ATP2A3: variants seen among roughly 807,000 people sequenced by gnomAD.
ATP2A3 encodes the protein ATPase sarcoplasmic/endoplasmic reticulum Ca2+ transporting 3, also known as sarcoplasmic/endoplasmic reticulum calcium ATPase 3.
A neutral mutation model predicts 106.8 loss-of-function variants in ATP2A3; 61 were observed. That is an observed-to-expected ratio of 0.57 (90% CI 0.46 to 0.71). ATP2A3 has a LOEUF of 0.71. Among genes scored for constraint, ATP2A3 ranks in the 30% least tolerant of loss-of-function variants. ATP2A3 has a pLI of 0.00. For synonymous variants in ATP2A3, 611 were observed against 609.3 expected, an observed-to-expected ratio of 1.00 and a Z score of -0.04; for missense variants, 1,201 against 1,423.5, an observed-to-expected ratio of 0.84 and a Z score of 2.52.
rs979200743 is a variant in ATP2A3 at position 3,933,509 on chromosome 17, G to A, written c.2610+1683C>T. Among the ~76,000 whole-genome samples, 16 of 151,220 alleles carry A rather than the reference G, an allele frequency of 1.1e-4. 2 individuals carry two copies. Among genetic ancestry groups the A allele is most frequent in the African/African-American group, 3.7e-4 (15 of 40,770 alleles). The stretch of plus-strand genomic sequence containing the variant: ...TCCCAGCACTTTGGGAGGCTGAGGC[G>A]GGCGGATCATGAGGTCAGGAGATCG... On this transcript the variant is annotated intron_variant, in intron 17 of 20. Transcript: ENST00000397041.
rs1264976428 is a variant in ATP2A3, at chr17:3,925,694, T to C, written c.2981-253A>G. 6.7e-6 allele frequency among the ~76,000 whole-genome samples: 1 copy of C among 148,450 alleles called. No individual in the cohort carries two copies. Among genetic ancestry groups the C allele is most frequent in the Non-Finnish European group, 1.5e-5 (1 of 67,308 alleles). On this transcript the variant is annotated intron_variant, in intron 20 of 20. Transcript: ENST00000397041. This position sits in a 1 kb window ranked among gnomAD's most constrained non-coding sequence, Gnocchi z 4.2. Reference sequence around the variant, plus strand: ...CAGCACCCCCAAACCCTCCAGTACATACTCTCCTGGTTTTCATTTTGGGGA... The same window carrying C: ...CAGCACCCCCAAACCCTCCAGTACACACTCTCCTGGTTTTCATTTTGGGGA...
chr17:3,935,823 C>A (rs998195932), intron 16 of ATP2A3, among the ~76,000 whole-genome samples: 1 of 152,144 alleles, frequency 6.6e-6, no homozygotes, highest in Admixed American at 6.5e-5. Flanking sequence ...CAGGTGTGAG[C>A]CACATGTTGG....
chr17:3,932,036 G>A (rs1420448559), intron 17 of ATP2A3, among the ~76,000 whole-genome samples: 1 of 152,216 alleles, frequency 6.6e-6, no homozygotes, highest in East Asian at 1.9e-4. Flanking sequence ...TTAACAAAGA[G>A]ATAGAGAATC....
At chr17:3,958,765 CAT>C (rs1203707105) in intron 1 of ATP2A3, among the ~76,000 whole-genome samples, 13 of 108,218 alleles carry the variant, frequency 1.2e-4, no homozygotes, top group African/African-American at 4.0e-4. Context: ...TATACACACA[CAT>C]ATATATACAC....
At position 3,926,194 on chromosome 17, in the gene ATP2A3, A is replaced by C. The variant is rs2052698712; in HGVS notation, c.2981-753T>G. 6.6e-6 allele frequency among the ~76,000 whole-genome samples: 1 copy of C among 152,220 alleles called. No individual in the cohort carries two copies. ...TCGTAAATGACATAAATCACGGGGA[A>C]GCCACAAGCATCAGGCTTCAGAAAA... On this transcript the variant is annotated intron_variant, in intron 20 of 20. Coordinates refer to ENST00000397041, the MANE Select transcript of ATP2A3 (RefSeq NM_005173.4). This position sits in a 1 kb window ranked among gnomAD's most constrained non-coding sequence, Gnocchi z 4.6.
chr17:3,935,033 G>T (rs1423228183), intron 17 of ATP2A3, 159 bp downstream of exon 17: 1 of 777,520 alleles, frequency 1.3e-6, no homozygotes. Flanking sequence ...GGTTTCCCGT[G>T]GGCTCTGAGC....
At position 3,930,712 on chromosome 17, in the gene ATP2A3, G is replaced by A. The variant is rs2053027746; in HGVS notation, c.2611-278C>T. ...CTCAGAAGGAGAACAGCTGGCATTA[G>A]CCTGGGGAGGCTAGCGGGAGCCTGG... is the stretch of plus-strand genomic sequence containing the variant. On this transcript the variant is annotated intron_variant, in intron 17 of 20. Coordinates refer to ENST00000397041, the MANE Select transcript of ATP2A3 (RefSeq NM_005173.4). The surrounding 1 kb of genome is among the most constrained non-coding windows in gnomAD (Gnocchi z 5.4). 1.8e-6 allele frequency: 1 copy of A among 542,056 alleles called. No individual in the cohort carries two copies. 33.6% of individuals were successfully genotyped at this position (542,056 alleles called of 1,614,324 possible). A position where few individuals can be genotyped will look rare whatever the true frequency, so the allele number is the denominator to read the frequency against.
chr17:3,951,131 C>A, intron 5 of ATP2A3, 120 bp downstream of exon 5: 1 of 1,026,536 alleles, frequency 9.7e-7, no homozygotes, highest in Non-Finnish European at 1.3e-6. Flanking sequence ...CGAGATTGCG[C>A]CACTGCACTC....
chr17:3,957,299 G>C lies in ATP2A3; in HGVS notation c.119-3589C>G, dbSNP rs2054838912. Among the ~76,000 whole-genome samples the C allele has an allele frequency of 2.0e-5, 3 of 152,336 alleles. No homozygotes were observed. The South Asian group carries it at 6.2e-4, about 32-fold the overall frequency. Reference sequence around the variant, plus strand: ...TCACACAGCGGGGGAGACAGGGAAGGGTTTTGAGCTCAGGCAGTCTGGTTC... The same window carrying C: ...TCACACAGCGGGGGAGACAGGGAAGCGTTTTGAGCTCAGGCAGTCTGGTTC... On this transcript the variant is annotated intron_variant, in intron 1 of 20. Coordinates refer to ENST00000397041, the MANE Select transcript of ATP2A3 (RefSeq NM_005173.4).
intron 1 of ATP2A3, among the ~76,000 whole-genome samples, chr17:3,957,003 A>T (rs1411329031): frequency 6.6e-6 from 1 of 152,172 alleles, no homozygotes; most frequent in Non-Finnish European, 1.5e-5. Flanking sequence ...CATTACTGTT[A>T]AGAGTCACAT....
intron 1 of ATP2A3, among the ~76,000 whole-genome samples, chr17:3,954,427 G>GC (rs1162392831): frequency 2.4e-5 from 3 of 126,870 alleles, no homozygotes; most frequent in Admixed American, 8.6e-5. Context: ...ATACCCAGTC[G>GC]CCCCCCACAC....
In ATP2A3 at chr17:3,936,375, C is replaced by G; in HGVS notation, c.2416G>C (p.Ala806Pro). The G allele has an allele frequency of 6.2e-7, 1 of 1,614,114 alleles. No homozygotes were observed. The highest frequency in any genetic ancestry group is 8.5e-7 in the Non-Finnish European group (1 of 1,180,028). Residue 806 changes from alanine to proline, a missense_variant, in exon 16 of 21, where the codon GCT becomes CCT. Coordinates refer to ENST00000397041, the MANE Select transcript of ATP2A3 (RefSeq NM_005173.4). This position sits in a 1 kb window ranked among gnomAD's most constrained non-coding sequence, Gnocchi z 5.4. ...AGGTCTGGCGGGTTGAAGCCCAGAG[C>G]CGTGGCAGGTAGGCCGTCTGTCACC... ...NLVTDGLPAT[A>P]LGFNPPDLDI...
chr17:3,925,172 G>T lies in ATP2A3; in HGVS notation c.*250C>A. On this transcript the variant is annotated 3_prime_UTR_variant, in exon 21 of 21. Coordinates refer to ENST00000397041, the MANE Select transcript of ATP2A3 (RefSeq NM_005173.4). The surrounding 1 kb of genome is among the most constrained non-coding windows in gnomAD (Gnocchi z 4.2). ...AGCCTGCAGCTCCTGGGCCAGAGCT[G>T]CAGAGCAGGGAACTTCCCAGGAGAG... is the stretch of plus-strand genomic sequence containing the variant. The T allele has an allele frequency of 1.6e-6, 1 of 614,638 alleles. No individual in the cohort carries two copies. The highest frequency in any genetic ancestry group is 2.8e-6 in the Non-Finnish European group (1 of 352,142). The allele number at this position is 614,638 out of a possible 1,614,324, so 38.1% of individuals were successfully genotyped here.
Position 3,951,744 on chromosome 17 carries a change from T to C in ATP2A3, c.220-59A>G. The C allele has an allele frequency of 4.0e-6, 6 of 1,489,870 alleles. No homozygotes were observed. The South Asian group carries it at 7.2e-5, about 18-fold the overall frequency. The allele number at this position is 1,489,870 out of a possible 1,614,324, so 92.3% of individuals were successfully genotyped here. A position where few individuals can be genotyped will look rare whatever the true frequency, so the allele number is the denominator to read the frequency against. ...CTGCGGGCCGAGATCTGCTCTCCTTTTCCTTGGCACCCCGGATCTCCTGCT... is the reference window on the plus strand; with the variant it reads ...CTGCGGGCCGAGATCTGCTCTCCTTCTCCTTGGCACCCCGGATCTCCTGCT... On this transcript the variant is annotated intron_variant, in intron 3 of 20. Transcript: ENST00000397041.
At chr17:3,943,314 T>G in intron 11 of ATP2A3, 77 bp downstream of exon 11, 1 of 1,573,970 alleles carries the variant, frequency 6.4e-7, no homozygotes, top group Non-Finnish European at 8.6e-7. Context: ...AAAACTTCAG[T>G]GTCCTGTCTG....
At chr17:3,950,162 A>ATTTT (rs373505320) in intron 7 of ATP2A3, among the ~76,000 whole-genome samples, 1 of 138,566 alleles carries the variant, frequency 7.2e-6, no homozygotes, top group Non-Finnish European at 1.6e-5. Context: ...AAAAAAAAAT[A>ATTTT]TTTTTTTTTT....
In ATP2A3 at chr17:3,924,724, C is replaced by T. The variant is rs945200426; in HGVS notation, c.*698G>A. On this transcript the variant is annotated 3_prime_UTR_variant, in exon 21 of 21. Transcript: ENST00000397041. This position sits in a 1 kb window ranked among gnomAD's most constrained non-coding sequence, Gnocchi z 6.4. ...CCAGCCAGGCTTTCCCGACTTGTCT[C>T]CCGGGAAAGGACATCCTCGCTCCGC... 4 of 456,414 alleles carry T rather than the reference C, an allele frequency of 8.8e-6. No homozygotes were observed. Among genetic ancestry groups the T allele is most frequent in the Admixed American group, 2.3e-5 (1 of 42,560 alleles). The allele number at this position is 456,414 out of a possible 1,614,324, so 28.3% of individuals were successfully genotyped here. A position where few individuals can be genotyped will look rare whatever the true frequency, so the allele number is the denominator to read the frequency against.
chr17:3,950,901 C>A (rs1465104279), intron 5 of ATP2A3, 128 bp from the exon 6 acceptor site: 3 of 948,762 alleles, frequency 3.2e-6, no homozygotes, highest in Non-Finnish European at 3.3e-6. Flanking sequence ...GCTCTGGTGA[C>A]CCCTGCCCCT....
intron 7 of ATP2A3, among the ~76,000 whole-genome samples, chr17:3,949,587 C>T (rs71366583): frequency 0.22 from 34,211 of 152,154 alleles, 4,259 homozygotes; most frequent in African/African-American, 0.32. Context: ...TGTCTGAGTT[C>T]GTCCCAGCTG....
Sources: allele counts gnomAD v4.1 joint callset (sites outside exome capture counted in the v4.1 genomes callset), GRCh38; gene constraint gnomAD v4.1.1; non-coding constraint Gnocchi (gnomAD v3.1); transcripts MANE v1.5; gene names NCBI Gene and HGNC (gene_info 2026-07-23, HGNC 2026-07-21).